The following ZNF600 variants were observed in gnomAD, a reference collection of about 807,000 sequenced individuals.
ZNF600 encodes the protein zinc finger protein KR-ZNF1.
In ZNF600, 4 loss-of-function variants were observed where a neutral mutation model predicts 7.3. That is an observed-to-expected ratio of 0.55 (90% CI 0.27 to 1.25). ZNF600 has a LOEUF of 1.25. Among genes scored for constraint, ZNF600 ranks in the 50% most tolerant of loss-of-function variants. The pLI is 0.12. For missense variants in ZNF600, 911 were observed against 922.1 expected (o/e 0.99, Z 0.16); for synonymous variants, 290 against 308.9 (o/e 0.94, Z 0.64).
the ZNF600 span, among the ~76,000 whole-genome samples, chr19:52,822,433 T>C: frequency 6.6e-6 from 1 of 152,064 alleles, no homozygotes; most frequent in Non-Finnish European, 1.5e-5. Context: ...AACTAAAAAA[T>C]CTTCCCCGAA....
chr19:52,829,847 G>A, the ZNF600 span, among the ~76,000 whole-genome samples: 2 of 152,056 alleles, frequency 1.3e-5, no homozygotes, highest in African/African-American at 4.8e-5. Context: ...GTGAAATGAC[G>A]GAGACAGGAA....
intron 1 of ZNF600, chr19:52,780,966 G>A (rs2062715915): frequency 6.6e-6 from 1 of 152,236 alleles, no homozygotes; most frequent in African/African-American, 2.4e-5. Flanking sequence ...GCCACTCGTG[G>A]ACACCTGAAG....
At chr19:52,825,849 A>G in the ZNF600 span, among the ~76,000 whole-genome samples, 1 of 152,322 alleles carries the variant, frequency 6.6e-6, no homozygotes, top group Admixed American at 6.5e-5. Flanking sequence ...TTATCCAGGC[A>G]TAGTGGCACA....
chr19:52,788,917 C>T (rs2062784942), upstream of ZNF600, among the ~76,000 whole-genome samples: 1 of 152,170 alleles, frequency 6.6e-6, no homozygotes, highest in African/African-American at 2.4e-5. Context: ...AATGTGAAGC[C>T]AAGTTTGAGC....
the ZNF600 span, among the ~76,000 whole-genome samples, chr19:52,802,993 C>A: frequency 6.6e-6 from 1 of 152,058 alleles, no homozygotes; most frequent in African/African-American, 2.4e-5. Flanking sequence ...GATCTCCTGA[C>A]CTTGTGATCC....
chr19:52,807,264 C>A, the ZNF600 span, among the ~76,000 whole-genome samples: 2 of 152,150 alleles, frequency 1.3e-5, no homozygotes, highest in Non-Finnish European at 2.9e-5. Flanking sequence ...AGAGTCCCAG[C>A]CCTATGTTTC....
chr19:52,803,573 T>C, the ZNF600 span, among the ~76,000 whole-genome samples: 10 of 152,194 alleles, frequency 6.6e-5, no homozygotes, highest in African/African-American at 2.4e-4. Context: ...CCAAAACTTG[T>C]ACTTACCACC....
the ZNF600 span, among the ~76,000 whole-genome samples, chr19:52,826,678 C>A: frequency 1.3e-5 from 2 of 151,966 alleles, no homozygotes; most frequent in Admixed American, 6.6e-5. Flanking sequence ...TGCACTCCAG[C>A]CTGGGTGACA....
At chr19:52,768,982 T>C (rs2062610766) in intron 3 of ZNF600, among the ~76,000 whole-genome samples, 1 of 151,882 alleles carries the variant, frequency 6.6e-6, no homozygotes, top group South Asian at 2.1e-4. Flanking sequence ...GGGGACACAG[T>C]GAGAAGTGAC....
chr19:52,774,593 T>G, exon 3 of ZNF600: 2 of 985,330 alleles, frequency 2.0e-6, no homozygotes, highest in Non-Finnish European at 2.4e-6. Flanking sequence ...TCCAGGTTCC[T>G]GTAGTTCTCC....
At chr19:52,799,576 G>A in the ZNF600 span, 75 of 1,533,760 alleles carry the variant, frequency 4.9e-5, no homozygotes, top group South Asian at 8.2e-4. Context: ...GAATTGTGAT[G>A]GAAGGTGTTG....
chr19:52,797,941 C>T, the ZNF600 span: 132,368 of 152,092 alleles, frequency 0.87, 57,836 homozygotes, highest in East Asian at 0.91. Context: ...GCTAACACAG[C>T]GAAACCCAGT....
At chr19:52,822,317 C>T in the ZNF600 span, among the ~76,000 whole-genome samples, 2 of 152,110 alleles carry the variant, frequency 1.3e-5, no homozygotes, top group Non-Finnish European at 2.9e-5. Flanking sequence ...AGTGATCCGA[C>T]TGCCTTGGCC....
chr19:52,802,050 T>C, the ZNF600 span, among the ~76,000 whole-genome samples: 397 of 152,306 alleles, frequency 2.6e-3, 4 homozygotes, highest in African/African-American at 9.2e-3. Context: ...ATATATATTC[T>C]TCATATTTAC....
At chr19:52,801,008 G>A in the ZNF600 span, 4 of 1,613,894 alleles carry the variant, frequency 2.5e-6, no homozygotes, top group Non-Finnish European at 3.4e-6. Flanking sequence ...TGTGACCAAA[G>A]ATCTTGCCAC....
the ZNF600 span, chr19:52,818,167 A>G: frequency 1.1e-6 from 1 of 946,598 alleles, no homozygotes; most frequent in South Asian, 1.8e-5. Flanking sequence ...CGAACAAAAA[A>G]TTCCTACAGG....
At chr19:52,795,894 G>A in the ZNF600 span, among the ~76,000 whole-genome samples, 5 of 146,948 alleles carry the variant, frequency 3.4e-5, no homozygotes, top group African/African-American at 1.3e-4. Context: ...TAAGAAACAA[G>A]CCGGGCTTGG....
the ZNF600 span, among the ~76,000 whole-genome samples, chr19:52,813,245 T>C: frequency 2.8e-5 from 1 of 35,954 alleles, no homozygotes; most frequent in South Asian, 1.9e-3. Context: ...AAAACTTGAA[T>C]GGTGAAAAAA....
chr19:52,774,835 T>G (rs1487016935), intron 2 of ZNF600, 134 bp from the exon 5 acceptor site: 8 of 979,538 alleles, frequency 8.2e-6, no homozygotes, highest in Non-Finnish European at 9.7e-6. Flanking sequence ...TTTTGAATAT[T>G]TTTTCCCTAT....
Sources: gnomAD v4.1 joint callset for allele counts (sites outside exome capture counted in the v4.1 genomes callset) on GRCh38, gnomAD v4.1.1 for gene constraint, MANE v1.5 for transcripts, NCBI Gene and HGNC (gene_info 2026-07-23, HGNC 2026-07-21) for gene names.